The following CDH12 variants were observed in gnomAD, a reference collection of about 807,000 sequenced individuals.
CDH12 encodes cadherin-12.
Under a neutral mutation model 74.1 loss-of-function variants are expected in CDH12, and 41 were observed. That is an observed-to-expected ratio of 0.55 (90% CI 0.43 to 0.72). CDH12 has a LOEUF of 0.72. Ranked by LOEUF, CDH12 falls within the 30% of genes least tolerant of loss-of-function variation. The probability of loss-of-function intolerance (pLI) is 0.00; values close to 1 mark genes in which losing one functional copy is unlikely to be tolerated. For missense variants in CDH12, 945 were observed against 977.2 expected, an observed-to-expected ratio of 0.97 and a Z score of 0.44; for synonymous variants, 399 against 355.0, an observed-to-expected ratio of 1.12 and a Z score of -1.39.
chr5:21,858,891 C>T (rs1022132106), intron 6 of CDH12, among the ~76,000 whole-genome samples: 2 of 151,802 alleles, frequency 1.3e-5, no homozygotes, highest in African/African-American at 4.8e-5. Context: ...TTGTATAGAG[C>T]ACGTTTTGAA....
chr5:22,388,421 T>G (rs1742094221), intron 3 of CDH12, among the ~76,000 whole-genome samples: 1 of 151,956 alleles, frequency 6.6e-6, no homozygotes, highest in Non-Finnish European at 1.5e-5. Flanking sequence ...AGGATAAAAA[T>G]AATTAAAAGC....
chr5:22,524,761 T>C (rs1297706810), intron 1 of CDH12, among the ~76,000 whole-genome samples: 4 of 152,164 alleles, frequency 2.6e-5, no homozygotes, highest in Admixed American at 6.5e-5. Context: ...GTCCACCAAG[T>C]GACACATGTC....
chr5:22,373,318 A>C (rs990986923), intron 3 of CDH12, among the ~76,000 whole-genome samples: 1 of 152,102 alleles, frequency 6.6e-6, no homozygotes, highest in Non-Finnish European at 1.5e-5. Context: ...TGCAGCCACC[A>C]CTAGTGCCAG....
chr5:21,957,740 T>A (rs1247861761), intron 6 of CDH12, among the ~76,000 whole-genome samples: 1 of 152,218 alleles, frequency 6.6e-6, no homozygotes, highest in Admixed American at 6.6e-5. Flanking sequence ...TCTGTTCATG[T>A]ACTTTGCCCA....
At chr5:22,071,189 A>C (rs2150216711) in intron 5 of CDH12, among the ~76,000 whole-genome samples, 1 of 152,136 alleles carries the variant, frequency 6.6e-6, no homozygotes, top group African/African-American at 2.4e-5. Flanking sequence ...AAAATAAATA[A>C]ATAATATTTT....
chr5:22,777,596 G>A (rs2126334464), intron 1 of CDH12, among the ~76,000 whole-genome samples: 1 of 151,978 alleles, frequency 6.6e-6, no homozygotes, highest in South Asian at 2.1e-4. Flanking sequence ...TTTTGGCTCT[G>A]TGTATGTATG....
At chr5:22,078,927 G>A in intron 4 of CDH12, 65 bp from the exon 5 acceptor site, 4 of 801,674 alleles carry the variant, frequency 5.0e-6, no homozygotes, top group African/African-American at 1.8e-5. Context: ...TCATCACAAC[G>A]CTCATTATAT....
At chr5:22,342,746 TTCCCTCCC>T (rs1263878383) in intron 3 of CDH12, among the ~76,000 whole-genome samples, 1 of 141,740 alleles carries the variant, frequency 7.1e-6, no homozygotes, top group Admixed American at 7.0e-5. Context: ...CCTTATTTCC[TTCCCTCCC>T]TCCCTTCCTC....
chr5:22,294,868 C>T (rs1444607908), intron 3 of CDH12, among the ~76,000 whole-genome samples: 2 of 152,174 alleles, frequency 1.3e-5, no homozygotes, highest in Non-Finnish European at 2.9e-5. Flanking sequence ...CTTCTCTTAG[C>T]CTCTTGCCAG....
At chr5:21,809,597 CAT>C (rs1418921777) in intron 9 of CDH12, among the ~76,000 whole-genome samples, 2 of 152,160 alleles carry the variant, frequency 1.3e-5, no homozygotes, top group Non-Finnish European at 2.9e-5. Flanking sequence ...ATCAGTAAAA[CAT>C]ATTTTTCTAA....
At chr5:21,921,361 GTC>G (rs1754344504) in intron 6 of CDH12, among the ~76,000 whole-genome samples, 1 of 152,096 alleles carries the variant, frequency 6.6e-6, no homozygotes, top group African/African-American at 2.4e-5. Flanking sequence ...TCTCCATCTG[GTC>G]CTGAAACTAA....
chr5:21,940,843 C>T (rs1347246811), intron 6 of CDH12, among the ~76,000 whole-genome samples: 2 of 150,936 alleles, frequency 1.3e-5, no homozygotes, highest in East Asian at 1.9e-4. Context: ...CTCTCTGTTT[C>T]TCTCTCTCTC....
At chr5:21,996,116 T>G (rs1261579859) in intron 5 of CDH12, among the ~76,000 whole-genome samples, 28 of 82,014 alleles carry the variant, frequency 3.4e-4, no homozygotes, top group Non-Finnish European at 5.4e-4. Context: ...TTTTTTTTTT[T>G]TTTTTTTTTT....
At chr5:21,944,433 TG>T (rs1755477503) in intron 6 of CDH12, among the ~76,000 whole-genome samples, 1 of 152,184 alleles carries the variant, frequency 6.6e-6, no homozygotes, top group South Asian at 2.1e-4. Context: ...CACTCAGTCG[TG>T]TAGGACAGAA....
intron 1 of CDH12, among the ~76,000 whole-genome samples, chr5:22,801,636 C>CATATATATATATAT (rs568139109): frequency 2.0e-5 from 1 of 50,882 alleles, no homozygotes; most frequent in Non-Finnish European, 3.8e-5. Context: ...CTCTGCTTAT[C>CATATATATATATAT]ATATATATAT....
At chr5:22,314,969 T>TAG (rs1738556723) in intron 3 of CDH12, among the ~76,000 whole-genome samples, 2 of 101,586 alleles carry the variant, frequency 2.0e-5, no homozygotes, top group African/African-American at 7.7e-5. Context: ...TTTTTTTTTT[T>TAG]TTGAGATGGA....
At chr5:22,601,817 G>GA (rs1170985681) in intron 1 of CDH12, among the ~76,000 whole-genome samples, 1 of 151,996 alleles carries the variant, frequency 6.6e-6, no homozygotes, top group African/African-American at 2.4e-5. Context: ...AATGCAGGAT[G>GA]ATTTCACTGC....
chr5:22,191,570 T>G (rs1048076809), intron 4 of CDH12, among the ~76,000 whole-genome samples: 2 of 136,618 alleles, frequency 1.5e-5, no homozygotes, highest in Admixed American at 7.2e-5. Flanking sequence ...ATTTTTATTT[T>G]TTTTTTTTTT....
At chr5:22,509,657 T>C (rs1032245548) in intron 1 of CDH12, among the ~76,000 whole-genome samples, 2 of 152,132 alleles carry the variant, frequency 1.3e-5, no homozygotes, top group Non-Finnish European at 2.9e-5. Context: ...GCTGCTTACA[T>C]GCAACTAGTT....
Sources: allele counts gnomAD v4.1 joint callset (sites outside exome capture counted in the v4.1 genomes callset), GRCh38; gene constraint gnomAD v4.1.1; transcripts MANE v1.5; gene names NCBI Gene and HGNC (gene_info 2026-07-23, HGNC 2026-07-21).